FER: variants seen among roughly 807,000 people sequenced by gnomAD.
FER encodes the protein tyrosine-protein kinase Fer.
In FER, 63 loss-of-function variants were observed where a neutral mutation model predicts 111.0. The ratio of observed to expected loss-of-function variants is 0.57; its 90% CI spans 0.46 to 0.70. FER has a LOEUF of 0.70. Ranked by LOEUF, FER falls within the 30% of genes least tolerant of loss-of-function variation. The pLI is 0.00. For synonymous variants in FER, 327 were observed against 313.9 expected (o/e 1.04, Z -0.44); for missense variants, 914 against 954.0 (o/e 0.96, Z 0.55).
At chr5:108,916,888 A>G (rs1213225747) in intron 10 of FER, among the ~76,000 whole-genome samples, 1 of 152,172 alleles carries the variant, frequency 6.6e-6, no homozygotes, top group African/African-American at 2.4e-5. Flanking sequence ...ATTTCATATT[A>G]TATTTGATCA....
chr5:108,966,198 AT>A (rs937757311), intron 13 of FER, among the ~76,000 whole-genome samples: 7 of 151,592 alleles, frequency 4.6e-5, no homozygotes, highest in Non-Finnish European at 1.0e-4. Context: ...ACTTCTATAC[AT>A]TTTTTTTGCC....
intron 14 of FER, among the ~76,000 whole-genome samples, chr5:109,043,735 G>C (rs1048027420): frequency 1.3e-5 from 2 of 152,158 alleles, no homozygotes; most frequent in African/African-American, 4.8e-5. Context: ...CATTTTGGAA[G>C]GCCAAGGCAG....
chr5:108,821,455 A>T (rs1402931713), intron 3 of FER, among the ~76,000 whole-genome samples: 1 of 152,140 alleles, frequency 6.6e-6, no homozygotes, highest in Non-Finnish European at 1.5e-5. Context: ...CATATATGTA[A>T]ACAGTTTTTG....
intron 13 of FER, among the ~76,000 whole-genome samples, chr5:108,983,238 A>C (rs1762198676): frequency 6.6e-6 from 1 of 152,066 alleles, no homozygotes; most frequent in African/African-American, 2.4e-5. Context: ...CTTCTGAAAA[A>C]GGAATTACTA....
chr5:109,018,912 G>A (rs1767556779), intron 13 of FER, among the ~76,000 whole-genome samples: 1 of 151,446 alleles, frequency 6.6e-6, no homozygotes, highest in South Asian at 2.1e-4. Context: ...TGATTACTGT[G>A]GGTAGTACTG....
At chr5:108,857,083 GT>G (rs1219539606) in intron 5 of FER, among the ~76,000 whole-genome samples, 1 of 151,978 alleles carries the variant, frequency 6.6e-6, no homozygotes, top group Non-Finnish European at 1.5e-5. Context: ...GTTCACTCAT[GT>G]TTCCCAAATG....
chr5:109,150,758 G>A (rs577655783), intron 17 of FER, among the ~76,000 whole-genome samples: 1 of 152,216 alleles, frequency 6.6e-6, no homozygotes, highest in African/African-American at 2.4e-5. Flanking sequence ...AGCCATTATT[G>A]AAAATGAAAT....
intron 5 of FER, among the ~76,000 whole-genome samples, chr5:108,844,126 ATGTGTGTGAACATATATG>A (rs1203937596): frequency 1.3e-5 from 2 of 151,080 alleles, no homozygotes; most frequent in African/African-American, 2.4e-5. Flanking sequence ...GAACACATAT[ATGTGTGTGAACATATATG>A]TGTGTGTGAA....
Position 109,186,333 on chromosome 5 carries a change from T to C in FER, c.2326+11T>C, listed in dbSNP as rs752689507. Reference sequence around the variant, plus strand: ...AGCAAGTAGAAAGAGGTGAGCCAAGTACATTCATTGTTAGTGTTCATGTCC... The same window carrying C: ...AGCAAGTAGAAAGAGGTGAGCCAAGCACATTCATTGTTAGTGTTCATGTCC... On this transcript the variant is annotated intron_variant, in intron 19 of 19. Transcript: ENST00000281092. The C allele has an allele frequency of 6.2e-7, 1 of 1,614,090 alleles. No homozygotes were observed. The highest frequency in any genetic ancestry group is 1.1e-5 in the South Asian group (1 of 91,084).
chr5:109,043,605 T>C (rs79317260), intron 14 of FER, among the ~76,000 whole-genome samples: 1,624 of 152,322 alleles, frequency 0.011, 37 homozygotes, highest in African/African-American at 0.037. Context: ...CTTAGTGCTC[T>C]AAAACTCAGT....
At chr5:108,748,981 T>G (rs953969678) in intron 1 of FER, 3 of 152,342 alleles carry the variant, frequency 2.0e-5, no homozygotes, top group African/African-American at 7.3e-5. Flanking sequence ...GGTTCGGGCT[T>G]GTCAGGTTCT....
intron 10 of FER, among the ~76,000 whole-genome samples, chr5:108,909,253 T>G (rs578155635): frequency 1.3e-5 from 2 of 152,310 alleles, no homozygotes; most frequent in African/African-American, 4.8e-5. Flanking sequence ...TGGTACCAGA[T>G]GAATTTTAAA....
intron 17 of FER, among the ~76,000 whole-genome samples, chr5:109,154,632 C>A (rs1265390913): frequency 6.6e-6 from 1 of 151,786 alleles, no homozygotes; most frequent in Non-Finnish European, 1.5e-5. Flanking sequence ...TTACTTATAC[C>A]TTAGCCACTT....
chr5:108,922,947 T>C (rs1360478764), intron 10 of FER, among the ~76,000 whole-genome samples: 1 of 152,210 alleles, frequency 6.6e-6, no homozygotes, highest in East Asian at 1.9e-4. Flanking sequence ...CAAAGTTGCA[T>C]AGTTTCTGGA....
At chr5:108,845,370 A>G (rs886737024) in intron 5 of FER, among the ~76,000 whole-genome samples, 6 of 151,494 alleles carry the variant, frequency 4.0e-5, no homozygotes, top group Admixed American at 3.9e-4. Flanking sequence ...TCCAGTAGAG[A>G]TGGGGTTTCA....
intron 1 of FER, among the ~76,000 whole-genome samples, chr5:108,758,808 A>G (rs1405441659): frequency 1.3e-5 from 2 of 152,208 alleles, no homozygotes; most frequent in African/African-American, 4.8e-5. Context: ...GAAGGAGAAG[A>G]TACTGTGACC....
intron 1 of FER, among the ~76,000 whole-genome samples, chr5:108,764,158 T>C (rs1006345139): frequency 1.3e-5 from 2 of 152,062 alleles, no homozygotes; most frequent in Non-Finnish European, 2.9e-5. Context: ...AAGAGAAGGA[T>C]AGTTTGGGAA....
intron 16 of FER, among the ~76,000 whole-genome samples, chr5:109,074,005 A>G (rs904692853): frequency 3.3e-5 from 5 of 152,142 alleles, no homozygotes; most frequent in Admixed American, 2.0e-4. Flanking sequence ...ATAAACACTT[A>G]TCCTGTCTTA....
At chr5:108,810,934 A>T (rs2150076575) in intron 3 of FER, among the ~76,000 whole-genome samples, 1 of 152,176 alleles carries the variant, frequency 6.6e-6, no homozygotes, top group South Asian at 2.1e-4. Flanking sequence ...ATGCCTGGAG[A>T]CCTGCCCTGG....
Sources: gnomAD v4.1 joint callset for allele counts (sites outside exome capture counted in the v4.1 genomes callset) on GRCh38, gnomAD v4.1.1 for gene constraint, MANE v1.5 for transcripts, NCBI Gene and HGNC (gene_info 2026-07-23, HGNC 2026-07-21) for gene names.